The following DOCK4 variants were observed in gnomAD, a reference collection of about 807,000 sequenced individuals.
The protein encoded by DOCK4 is dedicator of cytokinesis protein 4.
DOCK4 carries 97 observed loss-of-function variants against 268.1 expected under a neutral mutation model. The ratio of observed to expected loss-of-function variants is 0.36; its 90% CI spans 0.31 to 0.43. DOCK4 has a LOEUF of 0.43. Ranked by LOEUF, DOCK4 falls within the 20% of genes least tolerant of loss-of-function variation. The probability of loss-of-function intolerance (pLI) is 1.00; values close to 1 mark genes in which losing one functional copy is unlikely to be tolerated. For missense variants in DOCK4, 2,145 were observed against 2,455.7 expected (o/e 0.87, Z 2.67); for synonymous variants, 954 against 887.2 (o/e 1.08, Z -1.34).
At chr7:111,866,519 T>C (rs1302532722) in intron 22 of DOCK4, among the ~76,000 whole-genome samples, 1 of 152,168 alleles carries the variant, frequency 6.6e-6, no homozygotes, top group African/African-American at 2.4e-5. Context: ...GGTGCTAAAG[T>C]TGTTTCTAAA....
At chr7:112,015,953 C>T (rs1395631904) in intron 1 of DOCK4, among the ~76,000 whole-genome samples, 2 of 152,168 alleles carry the variant, frequency 1.3e-5, no homozygotes, top group African/African-American at 2.4e-5. Flanking sequence ...AGGGAGGAGT[C>T]CCCATGGTCC....
chr7:111,903,384 A>G (rs1425154258), intron 13 of DOCK4, among the ~76,000 whole-genome samples: 7 of 152,228 alleles, frequency 4.6e-5, no homozygotes, highest in Non-Finnish European at 1.0e-4. Flanking sequence ...ATGAATTTCT[A>G]GTACTCTTAT....
chr7:111,840,714 G>C (rs1276021026), intron 25 of DOCK4: 25 of 966,968 alleles, frequency 2.6e-5, no homozygotes, highest in African/African-American at 5.3e-5. Context: ...TGCTTACAGA[G>C]CACTGGAAGA....
intron 1 of DOCK4, among the ~76,000 whole-genome samples, chr7:112,092,804 T>C (rs983307410): frequency 2.3e-4 from 35 of 151,966 alleles, no homozygotes; most frequent in African/African-American, 8.0e-4. Context: ...CTGTCCTTCT[T>C]CCCTAAGAAG....
intron 6 of DOCK4, among the ~76,000 whole-genome samples, chr7:111,986,303 AT>A (rs1266190776): frequency 1.3e-5 from 2 of 152,220 alleles, no homozygotes; most frequent in Non-Finnish European, 2.9e-5. Flanking sequence ...TGGCTGCAGA[AT>A]GAGTGCAGAA....
chr7:112,004,021 G>A, intron 2 of DOCK4, 27 bp downstream of exon 2: 2 of 1,535,628 alleles, frequency 1.3e-6, no homozygotes, highest in Non-Finnish European at 1.8e-6. Context: ...GCCGTATGTT[G>A]AGGAGGTTGT....
intron 25 of DOCK4, 26 bp from the exon 26 acceptor site, chr7:111,834,712 CATTTT>C: frequency 7.3e-7 from 1 of 1,378,666 alleles, no homozygotes. Flanking sequence ...AAAAAGCATA[CATTTT>C]ATTTTTAGTA....
At chr7:111,891,677 C>G (rs2134353930) in intron 16 of DOCK4, among the ~76,000 whole-genome samples, 1 of 152,290 alleles carries the variant, frequency 6.6e-6, no homozygotes, top group Non-Finnish European at 1.5e-5. Flanking sequence ...AACTGCCCTC[C>G]AGAAACACAA....
At chr7:112,198,404 T>C (rs1356112653) in intron 1 of DOCK4, among the ~76,000 whole-genome samples, 1 of 152,214 alleles carries the variant, frequency 6.6e-6, no homozygotes, top group Non-Finnish European at 1.5e-5. Context: ...ATCCAGTCTA[T>C]ATTTGTTATA....
chr7:112,061,082 T>C (rs1806343039), intron 1 of DOCK4, among the ~76,000 whole-genome samples: 1 of 152,208 alleles, frequency 6.6e-6, no homozygotes, highest in South Asian at 2.1e-4. Flanking sequence ...ACATGAATAT[T>C]TGCAAATATA....
chr7:112,200,707 C>T (rs1253181142), intron 1 of DOCK4, among the ~76,000 whole-genome samples: 1 of 118,810 alleles, frequency 8.4e-6, no homozygotes, highest in Non-Finnish European at 1.7e-5. Context: ...GTACTAGCTA[C>T]CATAACAGCC....
chr7:111,783,910 G>A lies in DOCK4; in HGVS notation c.3471C>T (p.Gly1157=), dbSNP rs1178482244. Residue 1157 remains glycine (G), a synonymous_variant, in exon 34 of 53, where the codon GGC becomes GGT. Coordinates refer to ENST00000428084, the MANE Select transcript of DOCK4 (RefSeq NM_001363540.2). ...KIERETWRES[G]VSLIATVTRL... ...GAGTTACAGTAGCAATTAATGAAACGCCACTTTCCCGCCATGTTTCCCGCT... is the reference window on the plus strand; with the variant it reads ...GAGTTACAGTAGCAATTAATGAAACACCACTTTCCCGCCATGTTTCCCGCT... The A allele has an allele frequency of 6.2e-6, 10 of 1,605,246 alleles. No homozygotes were observed. The highest frequency in any genetic ancestry group is 2.2e-5 in the East Asian group (1 of 44,576).
chr7:112,131,914 T>A (rs1354579649), intron 1 of DOCK4, among the ~76,000 whole-genome samples: 1 of 152,148 alleles, frequency 6.6e-6, no homozygotes, highest in Non-Finnish European at 1.5e-5. Flanking sequence ...GACGCCAGTG[T>A]CCTACAGGGA....
chr7:111,778,609 A>AT (rs1173471685), intron 35 of DOCK4, among the ~76,000 whole-genome samples: 1 of 152,042 alleles, frequency 6.6e-6, no homozygotes, highest in African/African-American at 2.4e-5. Flanking sequence ...ACTTTTTATG[A>AT]TTTTTTGTTA....
chr7:111,919,413 C>A (rs145079588), intron 12 of DOCK4, among the ~76,000 whole-genome samples: 1 of 151,806 alleles, frequency 6.6e-6, no homozygotes, highest in African/African-American at 2.4e-5. Context: ...AGAGAGGAGT[C>A]GGTCAGTGGA....
At chr7:111,933,558 G>C (rs1273758461) in intron 12 of DOCK4, among the ~76,000 whole-genome samples, 1 of 151,920 alleles carries the variant, frequency 6.6e-6, no homozygotes, top group African/African-American at 2.4e-5. Context: ...GCCTCCCAAA[G>C]TGCTGTGATT....
intron 51 of DOCK4, among the ~76,000 whole-genome samples, chr7:111,732,868 T>C (rs1359623397): frequency 6.6e-6 from 1 of 152,236 alleles, no homozygotes; most frequent in Non-Finnish European, 1.5e-5. Context: ...GTCTTCCCAT[T>C]ATCCCCTGGT....
At chr7:111,885,893 A>T (rs1440507329) in intron 16 of DOCK4, among the ~76,000 whole-genome samples, 1 of 152,134 alleles carries the variant, frequency 6.6e-6, no homozygotes, top group East Asian at 1.9e-4. Context: ...CTTCTTTGAG[A>T]TCATATAGTT....
chr7:111,931,006 G>C (rs1001802895), intron 12 of DOCK4, among the ~76,000 whole-genome samples: 1 of 152,218 alleles, frequency 6.6e-6, no homozygotes, highest in African/African-American at 2.4e-5. Context: ...CTCAGCTTGA[G>C]AGAGGCTAGA....
Sources: gnomAD v4.1 joint callset for allele counts (sites outside exome capture counted in the v4.1 genomes callset) on GRCh38, gnomAD v4.1.1 for gene constraint, MANE v1.5 for transcripts, NCBI Gene and HGNC (gene_info 2026-07-23, HGNC 2026-07-21) for gene names.